Variants in C16orf96 observed in about 807,000 individuals in gnomAD.
C16orf96 encodes chromosome 16 open reading frame 96.
Under a neutral mutation model 103.6 loss-of-function variants are expected in C16orf96, and 108 were observed. The ratio of observed to expected loss-of-function variants is 1.04; its 90% CI spans 0.89 to 1.22. The LOEUF (loss-of-function observed/expected upper bound fraction) is 1.22. Among genes scored for constraint, C16orf96 ranks in the 50% most tolerant of loss-of-function variants. C16orf96 has a pLI of 0.00. For synonymous variants in C16orf96, 566 were observed against 593.5 expected, an observed-to-expected ratio of 0.95 and a Z score of 0.67; for missense variants, 1,586 against 1,464.2, an observed-to-expected ratio of 1.08 and a Z score of -1.36.
the C16orf96 span, among the ~76,000 whole-genome samples, chr16:4,546,133 C>T: frequency 1.1e-4 from 17 of 151,206 alleles, no homozygotes; most frequent in African/African-American, 4.1e-4. Context: ...CAGGAATGAG[C>T]CACCATGCCT....
intron 1 of C16orf96, among the ~76,000 whole-genome samples, chr16:4,568,332 A>G (rs531663220): frequency 6.6e-6 from 1 of 152,276 alleles, no homozygotes; most frequent in African/African-American, 2.4e-5. Context: ...AGAGTATTCT[A>G]TGTGCATTTG....
In C16orf96 at chr16:4,556,377, C is replaced by T; in HGVS notation, c.-113C>T. 1 of 1,136,240 alleles carries T rather than the reference C, an allele frequency of 8.8e-7. No homozygotes were observed. The allele number at this position is 1,136,240 out of a possible 1,614,324, so 70.4% of individuals were successfully genotyped here. A position where few individuals can be genotyped will look rare whatever the true frequency, so the allele number is the denominator to read the frequency against. On this transcript the variant is annotated 5_prime_UTR_variant, in exon 1 of 16. Coordinates refer to ENST00000444310, the MANE Select transcript of C16orf96 (RefSeq NM_001145011.2). The stretch of plus-strand genomic sequence containing the variant: ...ATTCCTCCCTGACTGCTGTGACTCA[C>T]CACCACCCCAGGCCTCTGAGGACCA...
rs2059548508 is a variant in C16orf96 at position 4,578,993 on chromosome 16, A to C, written c.2209A>C (p.Lys737Gln). The change falls in exon 6 of 16, where the codon AAG (lysine) becomes CAG (glutamine). Residue 737 changes from lysine to glutamine, a missense_variant. By Grantham distance (53) the Lys-to-Gln change is moderately conservative (BLOSUM62 1). Coordinates refer to ENST00000444310, the MANE Select transcript of C16orf96 (RefSeq NM_001145011.2). ...LGTTVDILQK[K>Q]IGSLQKSRLK... The stretch of plus-strand genomic sequence containing the variant: ...GACAACAGTGGACATATTGCAGAAA[A>C]AGATTGGCAGCCTCCAGAAATCTAG... 1.3e-6 allele frequency: 2 copies of C among 1,551,368 alleles called. No individual in the cohort carries two copies. The highest frequency in any genetic ancestry group is 1.7e-6 in the Non-Finnish European group (2 of 1,146,918).
intron 10 of C16orf96, among the ~76,000 whole-genome samples, 159 bp downstream of exon 10, chr16:4,591,943 T>C (rs2141757587): frequency 1.3e-5 from 2 of 152,220 alleles, no homozygotes; most frequent in Middle Eastern, 3.4e-3. Context: ...AGCTCTGGCC[T>C]GAGCTGGCAG....
At chr16:4,581,071 C>A (rs2059579412) in intron 7 of C16orf96, among the ~76,000 whole-genome samples, 1 of 147,526 alleles carries the variant, frequency 6.8e-6, no homozygotes, top group Non-Finnish European at 1.5e-5. Context: ...TTGCGGTGAG[C>A]CCCGATCGTG....
In C16orf96 at chr16:4,576,501, T is replaced by C; in HGVS notation, c.2021T>C (p.Met674Thr). 6.4e-7 allele frequency: 1 copy of C among 1,551,520 alleles called. No homozygotes were observed. Among genetic ancestry groups the C allele is most frequent in the Non-Finnish European group, 8.7e-7 (1 of 1,147,014 alleles). Residue 674 changes from methionine to threonine, a missense_variant, in exon 5 of 16, where the codon ATG becomes ACG. Transcript: ENST00000444310. ...SQAMVATKQA[M>T]SPEDKKRAVK... ...GCCATGGTGGCTACCAAGCAGGCCATGAGCCCTGAAGACAAGAAGAGGGCT... is the reference window on the plus strand; with the variant it reads ...GCCATGGTGGCTACCAAGCAGGCCACGAGCCCTGAAGACAAGAAGAGGGCT...
intron 1 of C16orf96, among the ~76,000 whole-genome samples, chr16:4,566,533 A>C (rs2059387079): frequency 6.6e-6 from 1 of 152,150 alleles, no homozygotes; most frequent in Non-Finnish European, 1.5e-5. Context: ...GGTTATTTGT[A>C]TCATTGAGTT....
chr16:4,596,042 A>G (rs191424474), intron 14 of C16orf96, among the ~76,000 whole-genome samples: 122 of 152,192 alleles, frequency 8.0e-4, no homozygotes, highest in Non-Finnish European at 1.5e-3. Flanking sequence ...CGAAGACCAG[A>G]CATGGAAGAA....
At chr16:4,599,483 C>G in intron 15 of C16orf96, 119 bp downstream of exon 15, 1 of 878,506 alleles carries the variant, frequency 1.1e-6, no homozygotes, top group South Asian at 1.5e-5. Context: ...TCCTCCACCT[C>G]CTGCCTGCTT....
chr16:4,540,188 A>T, the C16orf96 span, among the ~76,000 whole-genome samples: 2 of 152,234 alleles, frequency 1.3e-5, no homozygotes, highest in African/African-American at 4.8e-5. Flanking sequence ...CAAGGAAACC[A>T]CAAAATGCCC....
At chr16:4,572,508 A>T (rs184267470) in intron 2 of C16orf96, among the ~76,000 whole-genome samples, 298 of 151,150 alleles carry the variant, frequency 2.0e-3, no homozygotes, top group African/African-American at 5.7e-3. Context: ...TCACCATGTT[A>T]GCCAGGATGG....
At chr16:4,571,046 C>A (rs1380813669) in intron 1 of C16orf96, among the ~76,000 whole-genome samples, 2 of 152,056 alleles carry the variant, frequency 1.3e-5, no homozygotes, top group African/African-American at 4.8e-5. Context: ...ATTAGCTGGG[C>A]GTGGTGATGC....
chr16:4,584,305 G>A (rs1041058739), intron 7 of C16orf96, among the ~76,000 whole-genome samples: 24 of 149,600 alleles, frequency 1.6e-4, no homozygotes, highest in African/African-American at 5.6e-4. Context: ...CTCCCACCTC[G>A]GCCTCCTGAG....
At chr16:4,573,505 C>T (rs2059463348) in intron 2 of C16orf96, among the ~76,000 whole-genome samples, 1 of 146,724 alleles carries the variant, frequency 6.8e-6, no homozygotes, top group South Asian at 2.2e-4. Context: ...GTAATCTCAG[C>T]ATTTTGGGAG....
chr16:4,549,340 G>A, the C16orf96 span, among the ~76,000 whole-genome samples: 1 of 152,044 alleles, frequency 6.6e-6, no homozygotes, highest in Admixed American at 6.6e-5. Context: ...AGGCGTGGTG[G>A]CGGGTGCCTG....
chr16:4,546,339 TA>T, the C16orf96 span, among the ~76,000 whole-genome samples: 3 of 151,630 alleles, frequency 2.0e-5, no homozygotes, highest in Admixed American at 2.0e-4. Flanking sequence ...TTTGTGTTTT[TA>T]GTAGAGATGG....
intron 1 of C16orf96, among the ~76,000 whole-genome samples, chr16:4,565,987 C>T (rs1398972432): frequency 6.6e-6 from 1 of 152,128 alleles, no homozygotes; most frequent in African/African-American, 2.4e-5. Context: ...GGACTACAGG[C>T]GCTTGCCACC....
At chr16:4,599,432 C>T (rs1388068341) in intron 15 of C16orf96, 68 bp downstream of exon 15, 1 of 1,367,584 alleles carries the variant, frequency 7.3e-7, no homozygotes, top group South Asian at 1.2e-5. Context: ...CTCCTCGTCT[C>T]ATCCCATCCC....
At chr16:4,562,912 C>T (rs2059347155) in intron 1 of C16orf96, 1 of 1,422,306 alleles carries the variant, frequency 7.0e-7, no homozygotes, top group Non-Finnish European at 9.8e-7. Flanking sequence ...GGTTTCATTT[C>T]ACCTTCAGGA....
Sources: gnomAD v4.1 joint callset for allele counts (sites outside exome capture counted in the v4.1 genomes callset) on GRCh38, gnomAD v4.1.1 for gene constraint, MANE v1.5 for transcripts, NCBI Gene and HGNC (gene_info 2026-07-23, HGNC 2026-07-21) for gene names.